PTPRD: variants seen among roughly 807,000 people sequenced by gnomAD.
PTPRD encodes the protein receptor-type tyrosine-protein phosphatase delta.
In PTPRD, 34 loss-of-function variants were observed where a neutral mutation model predicts 214.5. The ratio of observed to expected loss-of-function variants is 0.16; its 90% CI spans 0.12 to 0.21. PTPRD has a LOEUF of 0.21. Among genes scored for constraint, PTPRD ranks in the 10% least tolerant of loss-of-function variants. PTPRD has a pLI of 1.00. For synonymous variants in PTPRD, 1,128 were observed against 845.7 expected, an observed-to-expected ratio of 1.33 and a Z score of -5.79; for missense variants, 2,545 against 2,398.7, an observed-to-expected ratio of 1.06 and a Z score of -1.27.
chr9:8,598,390 G>A (rs1298195272), intron 14 of PTPRD, among the ~76,000 whole-genome samples: 1 of 151,948 alleles, frequency 6.6e-6, no homozygotes. Flanking sequence ...AAACCCAGGA[G>A]GCAGAGGCTG....
In PTPRD at chr9:9,105,548, C is replaced by T. The variant is rs574672625; in HGVS notation, c.-143+77756G>A. On this transcript the variant is annotated intron_variant, in intron 10 of 45. Coordinates refer to ENST00000381196, the MANE Select transcript of PTPRD (RefSeq NM_002839.4). The stretch of plus-strand genomic sequence containing the variant: ...CTCAGACTCAGCATATTGTCTTCTT[C>T]ATTCCAGGTTACTCCATAAATTGAA... Among the ~76,000 whole-genome samples the T allele has an allele frequency of 3.2e-4, 48 of 152,294 alleles. 1 individual carries two copies. Among genetic ancestry groups the T allele is most frequent in the African/African-American group, 1.1e-3 (47 of 41,568 alleles).
chr9:9,294,765 G>C (rs1271350819), intron 9 of PTPRD, among the ~76,000 whole-genome samples: 3 of 151,598 alleles, frequency 2.0e-5, no homozygotes, highest in Non-Finnish European at 4.4e-5. Flanking sequence ...TGTTGTTTAA[G>C]TCACCCAATC....
rs370059973 is a variant in PTPRD, at chr9:8,946,495, T to G, written c.-104+72202A>C. Among the ~76,000 whole-genome samples, 14 of 152,300 alleles carry G rather than the reference T, an allele frequency of 9.2e-5. No individual in the cohort carries two copies. In the East Asian group the frequency reaches 1.5e-3, roughly 17 times the overall value. ...ACCTGGGAAAGGATTAAGTGATATA[T>G]GAAAATCCCTTATTAGTTAGCATAC... is the stretch of plus-strand genomic sequence containing the variant. On this transcript the variant is annotated intron_variant, in intron 11 of 45. Transcript: ENST00000381196.
chr9:9,534,477 C>T (rs2076122633), intron 8 of PTPRD, among the ~76,000 whole-genome samples: 1 of 151,932 alleles, frequency 6.6e-6, no homozygotes, highest in African/African-American at 2.4e-5. Flanking sequence ...TATTTATTGA[C>T]AAAGGGGATG....
intron 23 of PTPRD, 108 bp from the exon 24 acceptor site, chr9:8,501,167 A>C: frequency 1.2e-6 from 1 of 804,832 alleles, no homozygotes; most frequent in East Asian, 2.7e-5. Context: ...ACGAACAATA[A>C]GGACAAAATG....
Position 10,457,813 on chromosome 9 carries a change from CT to C in PTPRD, c.-599-116797del, listed in dbSNP as rs34595255. On this transcript the variant is annotated intron_variant, in intron 2 of 45. Coordinates refer to ENST00000381196, the MANE Select transcript of PTPRD (RefSeq NM_002839.4). ...TTCATTGTAATTTAAATTTGCATAC[CT>C]TTTTTGAAAACATAAAATTGACATA... 1.3e-4 allele frequency among the ~76,000 whole-genome samples: 19 copies of C among 151,922 alleles called. No homozygotes were observed. In the East Asian group the frequency reaches 3.7e-3, roughly 29 times the overall value.
At chr9:8,323,981 C>A (rs1024523398) in intron 44 of PTPRD, among the ~76,000 whole-genome samples, 3 of 152,118 alleles carry the variant, frequency 2.0e-5, no homozygotes, top group Non-Finnish European at 4.4e-5. Context: ...GAAATTGCTA[C>A]AGCCACCTCA....
At chr9:9,837,514 T>C (rs1035726024) in intron 5 of PTPRD, among the ~76,000 whole-genome samples, 1 of 152,102 alleles carries the variant, frequency 6.6e-6, no homozygotes, top group Non-Finnish European at 1.5e-5. Flanking sequence ...AAAAGGGCCA[T>C]ATAGCTGAAG....
chr9:9,053,923 A>G (rs531632606), intron 10 of PTPRD, among the ~76,000 whole-genome samples: 17 of 152,324 alleles, frequency 1.1e-4, no homozygotes, highest in Admixed American at 9.8e-4. Context: ...ATGAGATAAG[A>G]AAATATCTTT....
chr9:9,274,904 C>G (rs181149196), intron 9 of PTPRD, among the ~76,000 whole-genome samples: 1 of 147,346 alleles, frequency 6.8e-6, no homozygotes, highest in Non-Finnish European at 1.5e-5. Context: ...GAAATAGTCA[C>G]CATTACATAT....
At chr9:9,964,469 C>T (rs563278770) in intron 4 of PTPRD, among the ~76,000 whole-genome samples, 26 of 152,186 alleles carry the variant, frequency 1.7e-4, no homozygotes, top group African/African-American at 6.0e-4. Context: ...TCTAAAGAAG[C>T]TTAGCAGGAT....
At chr9:8,758,918 C>G (rs994802358) in intron 11 of PTPRD, among the ~76,000 whole-genome samples, 1 of 152,094 alleles carries the variant, frequency 6.6e-6, no homozygotes, top group Non-Finnish European at 1.5e-5. Context: ...ATCTCCTGAC[C>G]TCGTGATCCA....
chr9:9,155,886 G>A (rs971592153), intron 10 of PTPRD, among the ~76,000 whole-genome samples: 6 of 152,108 alleles, frequency 3.9e-5, no homozygotes, highest in Admixed American at 3.3e-4. Context: ...GTACAATAAT[G>A]CAGGCACTCA....
chr9:10,387,508 G>C (rs1212577647), intron 2 of PTPRD, among the ~76,000 whole-genome samples: 1 of 151,822 alleles, frequency 6.6e-6, no homozygotes, highest in Non-Finnish European at 1.5e-5. Context: ...GTAAGAGTAG[G>C]TGTTCTGGCA....
intron 11 of PTPRD, among the ~76,000 whole-genome samples, chr9:9,007,384 G>C (rs1449982944): frequency 2.0e-5 from 3 of 150,868 alleles, no homozygotes; most frequent in Admixed American, 6.7e-5. Flanking sequence ...ACCCTCCAAA[G>C]CCTCTAAAAT....
intron 5 of PTPRD, among the ~76,000 whole-genome samples, chr9:9,922,211 A>G (rs557287453): frequency 1.8e-4 from 27 of 152,164 alleles, no homozygotes; most frequent in African/African-American, 4.8e-4. Context: ...AAAATTCATC[A>G]AGTTCTAAGG....
chr9:10,148,469 C>T (rs1343471606), intron 3 of PTPRD, among the ~76,000 whole-genome samples: 2 of 152,088 alleles, frequency 1.3e-5, no homozygotes, highest in Non-Finnish European at 2.9e-5. Flanking sequence ...TATGATTAGG[C>T]AGCTCTCTGA....
chr9:9,607,005 A>AAAAAAAAAAAAAAAAAAAAT (rs1187365479), intron 7 of PTPRD, among the ~76,000 whole-genome samples: 2 of 119,604 alleles, frequency 1.7e-5, no homozygotes, highest in African/African-American at 6.6e-5. Flanking sequence ...AAAAAAAAAA[A>AAAAAAAAAAAAAAAAAAAAT]GTGTTTCTGC....
intron 9 of PTPRD, among the ~76,000 whole-genome samples, chr9:9,230,388 C>A (rs768551464): frequency 6.6e-6 from 1 of 152,134 alleles, no homozygotes; most frequent in African/African-American, 2.4e-5. Flanking sequence ...CCATTCATCT[C>A]TTCCATCTGG....
Sources: gnomAD v4.1 joint callset for allele counts (sites outside exome capture counted in the v4.1 genomes callset) on GRCh38, gnomAD v4.1.1 for gene constraint, MANE v1.5 for transcripts, NCBI Gene and HGNC (gene_info 2026-07-23, HGNC 2026-07-21) for gene names.